SCYL2: variants seen among roughly 807,000 people sequenced by gnomAD.
SCYL2 encodes the protein SCY1-like protein 2.
In SCYL2, 36 loss-of-function variants were observed where a neutral mutation model predicts 100.4. That is an observed-to-expected ratio of 0.36 (90% CI 0.27 to 0.47). SCYL2 has a LOEUF of 0.47. Among genes scored for constraint, SCYL2 ranks in the 20% least tolerant of loss-of-function variants. The pLI is 1.00. For missense variants in SCYL2, 902 were observed against 1,083.9 expected, an observed-to-expected ratio of 0.83 and a Z score of 2.36; for synonymous variants, 330 against 359.2, an observed-to-expected ratio of 0.92 and a Z score of 0.92.
At chr12:100,269,987 CTT>C (rs548843835) in intron 1 of SCYL2, among the ~76,000 whole-genome samples, 30 of 142,842 alleles carry the variant, frequency 2.1e-4, no homozygotes, top group Non-Finnish European at 1.5e-4. Flanking sequence ...AGATTTTATA[CTT>C]TTTTTTTTTT....
intron 1 of SCYL2, among the ~76,000 whole-genome samples, chr12:100,274,274 C>T (rs1489739196): frequency 6.6e-6 from 1 of 152,136 alleles, no homozygotes; most frequent in South Asian, 2.1e-4. Flanking sequence ...ATAACATGTG[C>T]TCCTCTTGCA....
rs1225254526 is a variant in SCYL2, at chr12:100,314,759, A to G, written c.1095+145A>G. The G allele has an allele frequency of 9.0e-6, 7 of 778,072 alleles. No individual in the cohort carries two copies. The East Asian group carries it at 9.5e-5, about 11-fold the overall frequency. The allele number at this position is 778,072 out of a possible 1,614,324, so 48.2% of individuals were successfully genotyped here. A position where few individuals can be genotyped will look rare whatever the true frequency, so the allele number is the denominator to read the frequency against. On this transcript the variant is annotated intron_variant, in intron 8 of 17. Transcript: ENST00000360820. Reference sequence around the variant, plus strand: ...TATAAAACACTGCCAACTGAAGCCAAAAGTTCAGTGGACCTTTTTTTGCGT... The same window carrying G: ...TATAAAACACTGCCAACTGAAGCCAGAAGTTCAGTGGACCTTTTTTTGCGT...
Position 100,267,743 on chromosome 12 carries a change from G to T in SCYL2, c.-78G>T, listed in dbSNP as rs2096280501. The T allele has an allele frequency of 6.6e-6, 1 of 152,410 alleles. No homozygotes were observed. Among genetic ancestry groups the T allele is most frequent in the Non-Finnish European group, 1.5e-5 (1 of 68,192 alleles). The allele number at this position is 152,410 out of a possible 1,614,324, so 9.4% of individuals were successfully genotyped here. A position where few individuals can be genotyped will look rare whatever the true frequency, so the allele number is the denominator to read the frequency against. ...CGGCTCGAGAGCTCGGGTTTCGGTG[G>T]TGGAGAACGTAGTACCTTTCGGGGA... On this transcript the variant is annotated 5_prime_UTR_variant, in exon 1 of 18. Transcript: ENST00000360820.
At chr12:100,295,576 G>C (rs1163858492) in intron 3 of SCYL2, among the ~76,000 whole-genome samples, 1 of 151,774 alleles carries the variant, frequency 6.6e-6, no homozygotes, top group Admixed American at 6.5e-5. Context: ...GCGCGTGCCT[G>C]CAATCGCAGG....
At chr12:100,321,734 C>T (rs2096355976) in intron 10 of SCYL2, among the ~76,000 whole-genome samples, 2 of 152,196 alleles carry the variant, frequency 1.3e-5, no homozygotes, top group Middle Eastern at 3.4e-3. Context: ...TGGATAGACA[C>T]AGGTACCTAC....
chr12:100,339,135 G>A lies in SCYL2; in HGVS notation c.2753G>A (p.Ser918Asn). ...CCACCAACTACTATGACCAATAGCA[G>A]TTCAGCTAGCAATGATTTAAAAGAT... ...AQPPTTMTNS[S>N]SASNDLKDLF... The change falls in exon 18 of 18, where the codon AGT becomes AAT. Residue 918 changes from serine (S) to asparagine (N), a missense_variant. By Grantham distance (46) the Ser-to-Asn change is conservative. Coordinates refer to ENST00000360820, the MANE Select transcript of SCYL2 (RefSeq NM_017988.6). 1 of 1,613,748 alleles carries A rather than the reference G, an allele frequency of 6.2e-7. No homozygotes were observed. Among genetic ancestry groups the A allele is most frequent in the African/African-American group, 1.3e-5 (1 of 75,032 alleles).
At chr12:100,282,319 C>CTTTTTTTTTTT in intron 1 of SCYL2, among the ~76,000 whole-genome samples, 1 of 85,598 alleles carries the variant, frequency 1.2e-5, no homozygotes, top group Non-Finnish European at 2.3e-5. Flanking sequence ...CACTTTTAGT[C>CTTTTTTTTTTT]TTTTTTTTTT....
chr12:100,289,669 C>G (rs2096308328), intron 2 of SCYL2, among the ~76,000 whole-genome samples: 1 of 152,006 alleles, frequency 6.6e-6, no homozygotes, highest in African/African-American at 2.4e-5. Flanking sequence ...TGACTGTGGT[C>G]TGAAAATAAC....
At chr12:100,323,882 AT>A (rs1271305209) in intron 11 of SCYL2, 2 of 249,322 alleles carry the variant, frequency 8.0e-6, no homozygotes, top group Non-Finnish European at 1.5e-5. Context: ...TTGGGTGATT[AT>A]TTTTTTCTTA....
chr12:100,321,027 C>G (rs2096355220), intron 10 of SCYL2, among the ~76,000 whole-genome samples: 1 of 152,204 alleles, frequency 6.6e-6, no homozygotes, highest in Non-Finnish European at 1.5e-5. Context: ...CTCCCACGCT[C>G]TCTCAGGCTC....
At chr12:100,295,252 G>A (rs1453903888) in intron 3 of SCYL2, among the ~76,000 whole-genome samples, 2 of 150,658 alleles carry the variant, frequency 1.3e-5, no homozygotes, top group Non-Finnish European at 1.5e-5. Flanking sequence ...CATCCCAGAC[G>A]ATGGGCGGCC....
At chr12:100,290,635 G>A (rs1446983599) in intron 2 of SCYL2, among the ~76,000 whole-genome samples, 1 of 152,174 alleles carries the variant, frequency 6.6e-6, no homozygotes, top group Non-Finnish European at 1.5e-5. Flanking sequence ...TAGTTGAGTA[G>A]CAGTAGGTTT....
intron 10 of SCYL2, among the ~76,000 whole-genome samples, chr12:100,322,241 C>T (rs1378345082): frequency 4.7e-5 from 7 of 148,962 alleles, no homozygotes; most frequent in Non-Finnish European, 7.4e-5. Context: ...GGCGTGGTGG[C>T]GGGCGCCTGT....
At chr12:100,331,175 A>G (rs774342004) in intron 13 of SCYL2, among the ~76,000 whole-genome samples, 6 of 152,118 alleles carry the variant, frequency 3.9e-5, no homozygotes, top group African/African-American at 1.4e-4. Context: ...CTTGGATAGC[A>G]GAGTTGAGGT....
intron 9 of SCYL2, 149 bp from the exon 10 acceptor site, chr12:100,317,654 G>A: frequency 7.1e-7 from 1 of 1,405,114 alleles, no homozygotes; most frequent in Non-Finnish European, 9.2e-7. Flanking sequence ...GACTTGATTT[G>A]TGTGTTTTTG....
chr12:100,298,803 C>G (rs1422425781), intron 4 of SCYL2, among the ~76,000 whole-genome samples: 1 of 152,138 alleles, frequency 6.6e-6, no homozygotes, highest in Non-Finnish European at 1.5e-5. Context: ...AGGCTGGTCT[C>G]GAACTCCTGA....
chr12:100,283,635 C>T (rs1026179923), intron 2 of SCYL2, among the ~76,000 whole-genome samples: 4 of 152,142 alleles, frequency 2.6e-5, no homozygotes, highest in Non-Finnish European at 5.9e-5. Flanking sequence ...TCTTTTACTT[C>T]CCTACAAGTG....
At position 100,309,910 on chromosome 12, in the gene SCYL2, C is replaced by A. The variant is rs189954665; in HGVS notation, c.481-1134C>A. On this transcript the variant is annotated intron_variant, in intron 4 of 17. Coordinates refer to ENST00000360820, the MANE Select transcript of SCYL2 (RefSeq NM_017988.6). Reference sequence around the variant, plus strand: ...CACAAAGATTCTAGTTTCTCCATATCCTCACCAGCAGTTATTATTTTTTTC... The same window carrying A: ...CACAAAGATTCTAGTTTCTCCATATACTCACCAGCAGTTATTATTTTTTTC... Among the ~76,000 whole-genome samples the A allele has an allele frequency of 4.8e-3, 728 of 152,282 alleles. 1 individual carries two copies. Among genetic ancestry groups the A allele is most frequent in the Non-Finnish European group, 7.0e-3 (474 of 68,020 alleles).
intron 2 of SCYL2, among the ~76,000 whole-genome samples, chr12:100,290,172 T>C (rs1221294321): frequency 6.6e-6 from 1 of 152,188 alleles, no homozygotes; most frequent in Non-Finnish European, 1.5e-5. Flanking sequence ...TTTTTTTCTG[T>C]TGAGAAAACT....
Sources: allele counts gnomAD v4.1 joint callset (sites outside exome capture counted in the v4.1 genomes callset), GRCh38; gene constraint gnomAD v4.1.1; transcripts MANE v1.5; gene names NCBI Gene and HGNC (gene_info 2026-07-23, HGNC 2026-07-21).